The following HEATR5A variants were observed in gnomAD, a reference collection of about 807,000 sequenced individuals.
HEATR5A encodes HEAT repeat-containing protein 5A.
In HEATR5A, 178 loss-of-function variants were observed where a neutral mutation model predicts 218.8. The observed-to-expected ratio is 0.81, with a 90% CI of 0.72 to 0.92. The LOEUF is 0.92. HEATR5A is among the 40% of genes least tolerant of loss of function. The probability of loss-of-function intolerance (pLI) is 0.00; values close to 1 mark genes in which losing one functional copy is unlikely to be tolerated. For synonymous variants in HEATR5A, 864 were observed against 871.6 expected (o/e 0.99, Z 0.15); for missense variants, 2,420 against 2,418.9 (o/e 1.00, Z -0.01).
chr14:31,383,667 G>C lies in HEATR5A; in HGVS notation c.1450C>G (p.Leu484Val). The change falls in exon 10 of 36, where the codon CTA becomes GTA. Residue 484 changes from leucine (L) to valine (V), a missense_variant. Coordinates refer to ENST00000543095, the MANE Select transcript of HEATR5A (RefSeq NM_015473.4). ...HCIAVALPSY[L>V]TPLLDRCLER... ...AGGCAACGATCCAAGAGTGGTGTTA[G>C]GTAGGAGGGTAATGCCACGGCAATG... The C allele has an allele frequency of 6.2e-7, 1 of 1,613,966 alleles. No individual in the cohort carries two copies. The highest frequency in any genetic ancestry group is 2.2e-5 in the East Asian group (1 of 44,866).
chr14:31,364,257 G>T lies in HEATR5A; in HGVS notation c.2003C>A (p.Thr668Lys). Residue 668 changes from threonine (T) to lysine (K), a missense_variant, in exon 14 of 36, where the codon ACA becomes AAA. Thr to Lys is a moderately conservative substitution (Grantham distance 78, BLOSUM62 -1). Transcript: ENST00000543095. ...ILKMYGSPLK[T>K]PSVVYRQRLY... The stretch of plus-strand genomic sequence containing the variant: ...TCTTTGTCTATAAACCACTGACGGT[G>T]TTTTCAAAGGACTTCCATACATTTT... The T allele has an allele frequency of 6.4e-7, 1 of 1,551,238 alleles. No individual in the cohort carries two copies. The highest frequency in any genetic ancestry group is 1.4e-5 in the African/African-American group (1 of 73,620).
chr14:31,397,719 C>T (rs999087559), intron 4 of HEATR5A, among the ~76,000 whole-genome samples: 54 of 151,684 alleles, frequency 3.6e-4, no homozygotes, highest in African/African-American at 1.2e-3. Flanking sequence ...AGTCCAGTGG[C>T]ATGACCATAG....
chr14:31,362,303 C>A (rs1413650819), intron 14 of HEATR5A, among the ~76,000 whole-genome samples: 2 of 151,770 alleles, frequency 1.3e-5, no homozygotes, highest in African/African-American at 4.8e-5. Context: ...CATAGTAAGT[C>A]CTGACTTTGT....
At chr14:31,310,366 A>C (rs1899703960) in intron 28 of HEATR5A, among the ~76,000 whole-genome samples, 2 of 152,088 alleles carry the variant, frequency 1.3e-5, no homozygotes, top group Admixed American at 1.3e-4. Context: ...TTGGCCAGGC[A>C]CAGTGGCTCA....
At position 31,347,888 on chromosome 14, in the gene HEATR5A, C is replaced by T. The variant is rs553422278; in HGVS notation, c.2728G>A (p.Val910Met). 40 of 1,527,012 alleles carry T rather than the reference C, an allele frequency of 2.6e-5. No homozygotes were observed. Among genetic ancestry groups the T allele is most frequent in the Admixed American group, 2.3e-4 (10 of 43,134 alleles). The allele number at this position is 1,527,012 out of a possible 1,614,324, so 94.6% of individuals were successfully genotyped here. The change falls in exon 19 of 36, where the codon GTG becomes ATG. Residue 910 changes from valine (V) to methionine (M), a missense_variant. Val to Met is a conservative substitution (Grantham distance 21). Coordinates refer to ENST00000543095, the MANE Select transcript of HEATR5A (RefSeq NM_015473.4). ...AATGAGTGTCCTGTTCTGGTAACCA[C>T]ATCCCTTGCTGATTTCAATCTGTAA... ...SFDKLKSARD[V>M]VTRTGHSLAL...
chr14:31,397,334 T>C (rs1595173424), intron 4 of HEATR5A, among the ~76,000 whole-genome samples: 1 of 144,388 alleles, frequency 6.9e-6, no homozygotes, highest in South Asian at 2.2e-4. Flanking sequence ...TGTTTTTAGA[T>C]TTTTTTTTTT....
chr14:31,334,945 C>CAAAAAAAAAAAA, intron 22 of HEATR5A, among the ~76,000 whole-genome samples: 1 of 96,640 alleles, frequency 1.0e-5, no homozygotes, highest in Non-Finnish European at 1.9e-5. Flanking sequence ...GATTCCATCT[C>CAAAAAAAAAAAA]AAAAAAAAAA....
chr14:31,294,167 A>T (rs1372227150), intron 34 of HEATR5A, 63 bp from the exon 35 acceptor site: 3 of 1,100,196 alleles, frequency 2.7e-6, no homozygotes, highest in African/African-American at 3.2e-5. Flanking sequence ...GTCCCTGAGG[A>T]CTCTTTGCTT....
At chr14:31,326,390 A>G (rs372700203) in intron 22 of HEATR5A, 48 bp from the exon 23 acceptor site, 51 of 1,351,058 alleles carry the variant, frequency 3.8e-5, no homozygotes, top group Non-Finnish European at 4.8e-5. Context: ...AAACAAAACT[A>G]CCATATCAGA....
chr14:31,359,890 A>T (rs926006923), intron 14 of HEATR5A, among the ~76,000 whole-genome samples: 2 of 151,948 alleles, frequency 1.3e-5, no homozygotes, highest in African/African-American at 4.8e-5. Flanking sequence ...CAACAGTATT[A>T]TTTCACCTAC....
At chr14:31,322,817 T>TAAAAA (rs376742735) in intron 24 of HEATR5A, among the ~76,000 whole-genome samples, 6 of 101,138 alleles carry the variant, frequency 5.9e-5, no homozygotes, top group African/African-American at 1.1e-4. Flanking sequence ...AAATGCTGTC[T>TAAAAA]AAAAAAAAAA....
chr14:31,309,194 A>G lies in HEATR5A; in HGVS notation c.4442-12T>C, dbSNP rs769858897. On this transcript the variant is annotated splice_polypyrimidine_tract_variant and intron_variant, in intron 28 of 35. Transcript: ENST00000543095. ...GTAGAAAGCACCACCTAAAGCAAACAGTTTCAGGAAAAATAAGAGATTAAC... is the reference window on the plus strand; with the variant it reads ...GTAGAAAGCACCACCTAAAGCAAACGGTTTCAGGAAAAATAAGAGATTAAC... The G allele has an allele frequency of 5.6e-6, 9 of 1,604,708 alleles. No homozygotes were observed. The highest frequency in any genetic ancestry group is 7.7e-6 in the Non-Finnish European group (9 of 1,174,386).
At position 31,337,187 on chromosome 14, in the gene HEATR5A, C is replaced by T. The variant is rs188365492; in HGVS notation, c.3367+289G>A. ...AATACAGATTTAAAAATACAGATTG[C>T]CAGGTAATACTCCCAGATTTCTGGT... On this transcript the variant is annotated intron_variant, in intron 22 of 35. Transcript: ENST00000543095. Among the ~76,000 whole-genome samples, 238 of 152,200 alleles carry T rather than the reference C, an allele frequency of 1.6e-3. 4 individuals carry two copies. The highest frequency in any genetic ancestry group is 2.9e-4 in the Non-Finnish European group (20 of 68,002).
intron 26 of HEATR5A, 121 bp from the exon 27 acceptor site, chr14:31,316,070 C>G: frequency 4.2e-6 from 3 of 707,116 alleles, no homozygotes; most frequent in Non-Finnish European, 6.6e-6. Flanking sequence ...ATCGCTTGAG[C>G]CCAGGAGTTT....
chr14:31,368,940 A>G (rs1334929719), intron 13 of HEATR5A, among the ~76,000 whole-genome samples: 2 of 152,294 alleles, frequency 1.3e-5, no homozygotes, highest in East Asian at 3.9e-4. Context: ...TAAATAATAA[A>G]TGTTTATTAA....
chr14:31,347,569 C>T (rs1901064628), intron 19 of HEATR5A, among the ~76,000 whole-genome samples, 179 bp downstream of exon 19: 1 of 152,194 alleles, frequency 6.6e-6, no homozygotes, highest in Non-Finnish European at 1.5e-5. Flanking sequence ...CTGAAATTGA[C>T]TTCAGACTCT....
Position 31,405,059 on chromosome 14 carries a change from CAAAAAAAAAA to C in HEATR5A, c.-74-2020_-74-2011del, listed in dbSNP as rs386381028. ...GGTAACAGTGGGACACTGTCTCCAC[CAAAAAAAAAA>C]AAAAAAAAAGACGAAAGAGAAAGAA... On this transcript the variant is annotated intron_variant, in intron 1 of 35. Transcript: ENST00000543095. 6.2e-4 allele frequency among the ~76,000 whole-genome samples: 61 copies of C among 97,898 alleles called. 1 individual carries two copies. Among genetic ancestry groups the C allele is most frequent in the African/African-American group, 7.6e-4 (18 of 23,668 alleles). The allele number at this position is 97,898 out of a possible 152,430, so 64.2% of individuals were successfully genotyped here.
intron 22 of HEATR5A, among the ~76,000 whole-genome samples, chr14:31,329,666 A>C (rs186915554): frequency 6.6e-5 from 10 of 152,232 alleles, no homozygotes; most frequent in Admixed American, 3.9e-4. Context: ...TCAGGCGCAC[A>C]GTGTAAGCTG....
chr14:31,381,532 C>T (rs1231931926), intron 10 of HEATR5A, among the ~76,000 whole-genome samples: 2 of 85,630 alleles, frequency 2.3e-5, no homozygotes, highest in Non-Finnish European at 4.2e-5. Flanking sequence ...GCAGCCTGGG[C>T]AATAAAGAAA....
Sources: gnomAD v4.1 joint callset for allele counts (sites outside exome capture counted in the v4.1 genomes callset) on GRCh38, gnomAD v4.1.1 for gene constraint, MANE v1.5 for transcripts, NCBI Gene and HGNC (gene_info 2026-07-23, HGNC 2026-07-21) for gene names.